Variants in FGFR1OP2 observed in about 807,000 individuals in gnomAD.
FGFR1OP2 encodes the protein fibroblast growth factor receptor 1 oncogene partner 2.
In FGFR1OP2, 17 loss-of-function variants were observed where a neutral mutation model predicts 35.2. That is an observed-to-expected ratio of 0.48 (90% CI 0.33 to 0.73). FGFR1OP2 has a LOEUF of 0.73. FGFR1OP2 is among the 30% of genes least tolerant of loss of function. The pLI is 0.02. For synonymous variants in FGFR1OP2, 105 were observed against 104.6 expected (o/e 1.00, Z -0.03); for missense variants, 251 against 307.3 (o/e 0.82, Z 1.37).
At position 26,965,013 on chromosome 12, in the gene FGFR1OP2, T is replaced by C. The variant is rs1939156189; in HGVS notation, c.*280T>C. The C allele has an allele frequency of 3.8e-6, 1 of 262,372 alleles. No homozygotes were observed. Among genetic ancestry groups the C allele is most frequent in the Non-Finnish European group, 7.1e-6 (1 of 140,442 alleles). The allele number at this position is 262,372 out of a possible 1,614,324, so 16.3% of individuals were successfully genotyped here. A position where few individuals can be genotyped will look rare whatever the true frequency, so the allele number is the denominator to read the frequency against. The stretch of plus-strand genomic sequence containing the variant: ...AGAGCTTTTGGCAGTACTGCTGGCT[T>C]TCTGGGTGATTAATTAGGTAAACTT... On this transcript the variant is annotated 3_prime_UTR_variant, in exon 7 of 7. Coordinates refer to ENST00000229395, the MANE Select transcript of FGFR1OP2 (RefSeq NM_015633.3).
chr12:26,939,693 T>C (rs1413769896), intron 1 of FGFR1OP2, among the ~76,000 whole-genome samples: 1 of 152,200 alleles, frequency 6.6e-6, no homozygotes, highest in African/African-American at 2.4e-5. Flanking sequence ...CTGCAGTATT[T>C]ATTAGGTTGT....
Position 26,957,598 on chromosome 12 carries a change from T to C in FGFR1OP2, c.254-3T>C, listed in dbSNP as rs1354336016. The C allele has an allele frequency of 6.2e-7, 1 of 1,608,384 alleles. No individual in the cohort carries two copies. The highest frequency in any genetic ancestry group is 8.5e-7 in the Non-Finnish European group (1 of 1,178,154). On this transcript the variant is annotated splice_polypyrimidine_tract_variant and splice_region_variant and intron_variant, in intron 3 of 6. Coordinates refer to ENST00000229395, the MANE Select transcript of FGFR1OP2 (RefSeq NM_015633.3). ...GAATAAAATACAATATTATTCTTGA[T>C]AGAATTACGTACATCTCTGGAAGAA...
Position 26,954,190 on chromosome 12 carries a change from A to G in FGFR1OP2, c.32A>G (p.Asp11Gly), listed in dbSNP as rs770227979. Residue 11 changes from aspartate (D) to glycine (G), a missense_variant, in exon 2 of 7, where the codon GAC becomes GGC. Coordinates refer to ENST00000229395, the MANE Select transcript of FGFR1OP2 (RefSeq NM_015633.3). MSCTIEKALA[D>G]AKALVERLRD... is the part of the protein sequence containing the mutation. ...TGCACAATTGAGAAGGCACTTGCCG[A>G]CGCTAAAGCTCTTGTTGAAAGATTA... 1 of 1,607,858 alleles carries G rather than the reference A, an allele frequency of 6.2e-7. No individual in the cohort carries two copies.
At position 26,956,542 on chromosome 12, in the gene FGFR1OP2, G is replaced by A. The variant is rs1427201904; in HGVS notation, c.136-1G>A. The stretch of plus-strand genomic sequence containing the variant: ...TCCCACATGTTTTTCTCCCCCATTA[G>A]TATCAGGAAGAAATTCAAGAACTTA... On this transcript the variant is annotated splice_acceptor_variant, in intron 2 of 6. Transcript: ENST00000229395. LOFTEE classifies it high-confidence loss of function. The A allele has an allele frequency of 4.0e-6, 6 of 1,513,276 alleles. No individual in the cohort carries two copies. Among genetic ancestry groups the A allele is most frequent in the Non-Finnish European group, 5.4e-6 (6 of 1,119,884 alleles). The allele number at this position is 1,513,276 out of a possible 1,614,324, so 93.7% of individuals were successfully genotyped here. A position where few individuals can be genotyped will look rare whatever the true frequency, so the allele number is the denominator to read the frequency against.
chr12:26,949,633 C>T (rs1938884577), intron 1 of FGFR1OP2, among the ~76,000 whole-genome samples: 1 of 151,964 alleles, frequency 6.6e-6, no homozygotes, highest in Non-Finnish European at 1.5e-5. Flanking sequence ...GGCTGGAGTG[C>T]AATGATGCGA....
rs1366520905 is a variant in FGFR1OP2 at position 26,964,684 on chromosome 12, CTTT to C, written c.714_716del (p.Leu239del). 6.2e-7 allele frequency: 1 copy of C among 1,611,888 alleles called. No individual in the cohort carries two copies. The highest frequency in any genetic ancestry group is 1.3e-5 in the African/African-American group (1 of 74,892). On this transcript the variant is annotated inframe_deletion, in exon 7 of 7. Transcript: ENST00000229395. ...AAAGATGATGCGTCGGAAAGTACTT[CTTT>C]GTCAGCATTAGTGACCAACAGTGAT...
chr12:26,952,844 C>T (rs1938954820), intron 1 of FGFR1OP2, among the ~76,000 whole-genome samples: 1 of 152,048 alleles, frequency 6.6e-6, no homozygotes, highest in Admixed American at 6.6e-5. Context: ...GGATCTACAC[C>T]AAATTTTAAT....
intron 6 of FGFR1OP2, among the ~76,000 whole-genome samples, chr12:26,963,961 A>C (rs535833848): frequency 6.6e-6 from 1 of 152,260 alleles, no homozygotes; most frequent in South Asian, 2.1e-4. Flanking sequence ...AACCTGCTTT[A>C]GACTACTAAA....
At chr12:26,939,505 C>T (rs1938676555) in intron 1 of FGFR1OP2, among the ~76,000 whole-genome samples, 1 of 152,152 alleles carries the variant, frequency 6.6e-6, no homozygotes, top group African/African-American at 2.4e-5. Flanking sequence ...CTGGCTATTT[C>T]CCCAAACATG....
chr12:26,954,086 G>A (rs2136355568), intron 1 of FGFR1OP2, 59 bp from the exon 2 acceptor site: 2 of 1,278,612 alleles, frequency 1.6e-6, no homozygotes, highest in African/African-American at 1.5e-5. Context: ...TTGACATGAA[G>A]CTAAAATAAA....
intron 1 of FGFR1OP2, among the ~76,000 whole-genome samples, chr12:26,939,835 T>G (rs1315805811): frequency 6.6e-6 from 1 of 152,218 alleles, no homozygotes; most frequent in African/African-American, 2.4e-5. Flanking sequence ...GTATGTTTAT[T>G]GAAATGGAAT....
intron 1 of FGFR1OP2, among the ~76,000 whole-genome samples, chr12:26,939,811 T>A (rs1477771424): frequency 6.6e-6 from 1 of 152,232 alleles, no homozygotes; most frequent in Non-Finnish European, 1.5e-5. Flanking sequence ...CAAGCATTAT[T>A]TATATATACA....
intron 1 of FGFR1OP2, among the ~76,000 whole-genome samples, chr12:26,950,106 C>T (rs758522170): frequency 4.6e-5 from 7 of 150,558 alleles, no homozygotes; most frequent in Middle Eastern, 3.5e-3. Flanking sequence ...CTTATAGTAA[C>T]GAACTTTAAG....
chr12:26,938,736 G>C (rs1938629397), intron 1 of FGFR1OP2, 26 bp downstream of exon 1: 1 of 152,384 alleles, frequency 6.6e-6, no homozygotes, highest in Non-Finnish European at 1.5e-5. Flanking sequence ...CCAGGGACGG[G>C]AGCAGGGGTG....
At chr12:26,944,366 T>G (rs1406153038) in intron 1 of FGFR1OP2, among the ~76,000 whole-genome samples, 3 of 152,240 alleles carry the variant, frequency 2.0e-5, no homozygotes, top group Non-Finnish European at 4.4e-5. Flanking sequence ...CAGTCAGTCA[T>G]TCATTATGAA....
In FGFR1OP2 at chr12:26,954,257, C is replaced by T. The variant is rs1324963366; in HGVS notation, c.99C>T (p.Thr33=). The T allele has an allele frequency of 1.2e-6, 2 of 1,610,238 alleles. No individual in the cohort carries two copies. The highest frequency in any genetic ancestry group is 1.7e-6 in the Non-Finnish European group (2 of 1,177,936). The change falls in exon 2 of 7, where the codon ACC becomes ACT. Residue 33 remains threonine, a synonymous_variant. Coordinates refer to ENST00000229395, the MANE Select transcript of FGFR1OP2 (RefSeq NM_015633.3). ...DDAAESLIEQ[T]TALNKRVEAM... is the part of the protein sequence containing the mutation. ...CAGCAGAATCTCTGATTGAGCAAACCACAGCTCTCAACAAGCGAGTAGAAG... is the reference window on the plus strand; with the variant it reads ...CAGCAGAATCTCTGATTGAGCAAACTACAGCTCTCAACAAGCGAGTAGAAG...
intron 1 of FGFR1OP2, among the ~76,000 whole-genome samples, chr12:26,946,592 G>A (rs1938825872): frequency 6.6e-6 from 1 of 152,220 alleles, no homozygotes; most frequent in African/African-American, 2.4e-5. Flanking sequence ...TTATATGGGC[G>A]TGGGCCACTG....
At chr12:26,955,624 C>A (rs1939006450) in intron 2 of FGFR1OP2, among the ~76,000 whole-genome samples, 1 of 152,188 alleles carries the variant, frequency 6.6e-6, no homozygotes, top group Non-Finnish European at 1.5e-5. Context: ...TTTTAAGGTT[C>A]ATCTATGTTA....
intron 6 of FGFR1OP2, among the ~76,000 whole-genome samples, chr12:26,963,941 C>G (rs1190630628): frequency 6.6e-6 from 1 of 152,048 alleles, no homozygotes; most frequent in Admixed American, 6.6e-5. Context: ...ATTTTGAAAT[C>G]ACGGCGGGGA....
Sources: allele counts gnomAD v4.1 joint callset (sites outside exome capture counted in the v4.1 genomes callset), GRCh38; gene constraint gnomAD v4.1.1; transcripts MANE v1.5; gene names NCBI Gene and HGNC (gene_info 2026-07-23, HGNC 2026-07-21).